ADGRB3: variants seen among roughly 807,000 people sequenced by gnomAD.
ADGRB3 encodes the protein brain-specific angiogenesis inhibitor 3.
ADGRB3 carries 37 observed loss-of-function variants against 193.4 expected under a neutral mutation model. The observed-to-expected ratio is 0.19, with a 90% CI of 0.15 to 0.25. ADGRB3 has a LOEUF of 0.25. Ranked by LOEUF, ADGRB3 falls within the 10% of genes least tolerant of loss-of-function variation. The pLI is 1.00. For missense variants in ADGRB3, 1,637 were observed against 1,852.9 expected, an observed-to-expected ratio of 0.88 and a Z score of 2.14; for synonymous variants, 690 against 644.2, an observed-to-expected ratio of 1.07 and a Z score of -1.08.
intron 20 of ADGRB3, among the ~76,000 whole-genome samples, chr6:69,310,066 A>G (rs1373148719): frequency 1.3e-5 from 2 of 151,746 alleles, no homozygotes; most frequent in East Asian, 1.9e-4. Context: ...TTCTCAGCTC[A>G]TCCACATTAC....
At chr6:69,210,148 T>TAATATATATATATATATATATATATATA (rs1561953521) in intron 17 of ADGRB3, among the ~76,000 whole-genome samples, 7 of 39,064 alleles carry the variant, frequency 1.8e-4, no homozygotes, top group African/African-American at 2.7e-4. Context: ...TTAATATATA[T>TAATATATATATATATATATATATATATA]CATATATATA....
At chr6:68,719,336 T>C (rs1192618239) in intron 3 of ADGRB3, among the ~76,000 whole-genome samples, 3 of 151,746 alleles carry the variant, frequency 2.0e-5, no homozygotes, top group Non-Finnish European at 2.9e-5. Context: ...ATGACTAGTG[T>C]GACCGAATAA....
intron 27 of ADGRB3, among the ~76,000 whole-genome samples, chr6:69,354,741 A>T (rs949755696): frequency 7.9e-5 from 12 of 152,146 alleles, no homozygotes; most frequent in African/African-American, 2.9e-4. Context: ...ATTAAAATCA[A>T]AATATTGGGA....
chr6:69,066,124 T>C (rs969573478), intron 16 of ADGRB3, among the ~76,000 whole-genome samples: 23 of 151,564 alleles, frequency 1.5e-4, no homozygotes, highest in African/African-American at 5.6e-4. Flanking sequence ...AGACAACTAA[T>C]ACAAACACAC....
chr6:68,787,175 A>C (rs960071875), intron 3 of ADGRB3, among the ~76,000 whole-genome samples: 2 of 152,180 alleles, frequency 1.3e-5, no homozygotes, highest in Non-Finnish European at 2.9e-5. Flanking sequence ...CCCTGGCCAG[A>C]ACTTCCAACA....
intron 20 of ADGRB3, among the ~76,000 whole-genome samples, chr6:69,305,789 A>G (rs1372012597): frequency 6.6e-6 from 1 of 151,262 alleles, no homozygotes; most frequent in African/African-American, 2.4e-5. Context: ...CGAATATTCT[A>G]TTATCATTGA....
At chr6:68,950,117 A>G (rs1401402996) in intron 6 of ADGRB3, among the ~76,000 whole-genome samples, 3 of 152,014 alleles carry the variant, frequency 2.0e-5, no homozygotes, top group Non-Finnish European at 4.4e-5. Context: ...GTGCAGTGGC[A>G]TGATTTTATC....
chr6:68,769,775 G>A (rs1189814094), intron 3 of ADGRB3, among the ~76,000 whole-genome samples: 1 of 151,884 alleles, frequency 6.6e-6, no homozygotes, highest in Non-Finnish European at 1.5e-5. Flanking sequence ...CTTCCTAAAC[G>A]AAGTTCTGAG....
At chr6:69,262,824 T>TAAAA (rs11358055) in intron 20 of ADGRB3, among the ~76,000 whole-genome samples, 2 of 149,696 alleles carry the variant, frequency 1.3e-5, no homozygotes, top group Non-Finnish European at 3.0e-5. Context: ...GTATGTGTCA[T>TAAAA]AAAAAAAAAA....
chr6:68,793,368 C>G (rs555271917), intron 3 of ADGRB3, among the ~76,000 whole-genome samples: 1 of 152,024 alleles, frequency 6.6e-6, no homozygotes, highest in Non-Finnish European at 1.5e-5. Context: ...CTTTTGTATT[C>G]TTCCTGTGTG....
At chr6:68,757,127 C>T (rs1329846507) in intron 3 of ADGRB3, among the ~76,000 whole-genome samples, 3 of 152,080 alleles carry the variant, frequency 2.0e-5, no homozygotes, top group Non-Finnish European at 2.9e-5. Context: ...TTATTCATCC[C>T]TCCTGTTCTT....
intron 3 of ADGRB3, among the ~76,000 whole-genome samples, chr6:68,723,201 T>C (rs1009410587): frequency 6.6e-6 from 1 of 151,774 alleles, no homozygotes. Context: ...AAAGATAATG[T>C]GCCACATGGA....
intron 20 of ADGRB3, among the ~76,000 whole-genome samples, chr6:69,242,857 T>C (rs528690302): frequency 6.6e-6 from 1 of 152,132 alleles, no homozygotes; most frequent in Non-Finnish European, 1.5e-5. Context: ...TCAAATGTTA[T>C]TTATTTGTAA....
At chr6:69,139,810 C>T (rs1312443477) in intron 17 of ADGRB3, among the ~76,000 whole-genome samples, 1 of 152,160 alleles carries the variant, frequency 6.6e-6, no homozygotes, top group Non-Finnish European at 1.5e-5. Context: ...CTAGTGTATC[C>T]TGACTAAAAT....
At chr6:68,676,389 CAAAAAA>C (rs70987431) in intron 3 of ADGRB3, among the ~76,000 whole-genome samples, 2 of 84,638 alleles carry the variant, frequency 2.4e-5, no homozygotes, top group Non-Finnish European at 2.4e-5. Context: ...GACTCTGTCT[CAAAAAA>C]AAAAAAAAAA....
chr6:69,211,953 A>T (rs1278272171), intron 17 of ADGRB3, among the ~76,000 whole-genome samples: 1 of 152,230 alleles, frequency 6.6e-6, no homozygotes, highest in Non-Finnish European at 1.5e-5. Flanking sequence ...ATATTACATA[A>T]TTCAGAGAAA....
chr6:68,657,504 A>G (rs1419437646), intron 3 of ADGRB3, among the ~76,000 whole-genome samples: 5 of 151,464 alleles, frequency 3.3e-5, no homozygotes, highest in Admixed American at 6.6e-5. Context: ...TGAAAATACT[A>G]CAGATTGGTG....
chr6:68,826,606 G>A (rs1444040214), intron 3 of ADGRB3, among the ~76,000 whole-genome samples: 1 of 152,156 alleles, frequency 6.6e-6, no homozygotes, highest in Admixed American at 6.5e-5. Context: ...CAATCTGGAT[G>A]TTGTGTTGAG....
chr6:69,276,735 C>T (rs1025061068), intron 20 of ADGRB3, among the ~76,000 whole-genome samples: 2 of 152,054 alleles, frequency 1.3e-5, no homozygotes, highest in East Asian at 1.9e-4. Context: ...TTCCTCCTTT[C>T]GTCACTTGCC....
Sources: gnomAD v4.1 joint callset for allele counts (sites outside exome capture counted in the v4.1 genomes callset) on GRCh38, gnomAD v4.1.1 for gene constraint, MANE v1.5 for transcripts, NCBI Gene and HGNC (gene_info 2026-07-23, HGNC 2026-07-21) for gene names.